KCNMA1: variants seen among roughly 807,000 people sequenced by gnomAD.
KCNMA1 encodes potassium calcium-activated channel subfamily M alpha 1.
KCNMA1 carries 29 observed loss-of-function variants against 140.0 expected under a neutral mutation model. The ratio of observed to expected loss-of-function variants is 0.21; its 90% CI spans 0.15 to 0.28. The LOEUF (loss-of-function observed/expected upper bound fraction) is 0.28, where lower values mean the gene tolerates loss of function less well. Ranked by LOEUF, KCNMA1 falls within the 10% of genes least tolerant of loss-of-function variation. The probability of loss-of-function intolerance (pLI) is 1.00; values close to 1 mark genes in which losing one functional copy is unlikely to be tolerated. For missense variants in KCNMA1, 880 were observed against 1,602.2 expected (o/e 0.55, Z 7.70); for synonymous variants, 612 against 611.9 (o/e 1.00, Z 0.00).
chr10:77,249,642 T>A (rs757041819), intron 3 of KCNMA1: 3 of 152,218 alleles, frequency 2.0e-5, no homozygotes, highest in Non-Finnish European at 4.4e-5. Context: ...AGCATGGAAG[T>A]TGGCAGGGTC....
intron 1 of KCNMA1, among the ~76,000 whole-genome samples, chr10:77,487,369 C>A (rs1487457685): frequency 6.6e-6 from 1 of 152,068 alleles, no homozygotes; most frequent in African/African-American, 2.4e-5. Context: ...GGAAAACAAG[C>A]CACACAGAAG....
chr10:77,105,522 AAT>A (rs1362973151), intron 9 of KCNMA1, among the ~76,000 whole-genome samples: 1 of 152,168 alleles, frequency 6.6e-6, no homozygotes, highest in Non-Finnish European at 1.5e-5. Flanking sequence ...ATCATTTCTG[AAT>A]AAAATATGCA....
chr10:77,473,960 A>G (rs2098223028), intron 1 of KCNMA1, among the ~76,000 whole-genome samples: 1 of 152,190 alleles, frequency 6.6e-6, no homozygotes, highest in Non-Finnish European at 1.5e-5. Flanking sequence ...CGTTCTGAAC[A>G]GGTGCGCTCC....
At chr10:77,381,165 A>G (rs2095368837) in intron 2 of KCNMA1, among the ~76,000 whole-genome samples, 1 of 152,190 alleles carries the variant, frequency 6.6e-6, no homozygotes, top group Admixed American at 6.5e-5. Flanking sequence ...GTGTTCCAGG[A>G]AATAAGTGTC....
rs141984722 is a variant in KCNMA1, at chr10:77,583,366, A to G, written c.378+53899T>C. Among the ~76,000 whole-genome samples, 1,190 of 152,356 alleles carry G rather than the reference A, an allele frequency of 7.8e-3. 7 individuals are homozygous for G. Among genetic ancestry groups the G allele is most frequent in the Middle Eastern group, 0.02 (6 of 294 alleles). ...GGCTGCTGGAATCCAGGTCCTGACA[A>G]ATAGAGACTTGATAGAGCATGGTTG... On this transcript the variant is annotated intron_variant, in intron 1 of 27. Coordinates refer to ENST00000286628, the MANE Select transcript of KCNMA1 (RefSeq NM_001161352.2).
intron 1 of KCNMA1, among the ~76,000 whole-genome samples, chr10:77,559,059 G>A (rs1418246052): frequency 6.6e-6 from 1 of 152,120 alleles, no homozygotes; most frequent in Non-Finnish European, 1.5e-5. Flanking sequence ...TCCGTGTCCT[G>A]GTCAGCCCAG....
At chr10:77,629,259 A>G (rs1393418444) in intron 1 of KCNMA1, among the ~76,000 whole-genome samples, 1 of 152,190 alleles carries the variant, frequency 6.6e-6, no homozygotes, top group African/African-American at 2.4e-5. Context: ...TAAAGCAGCC[A>G]TTCTTTTGAA....
At chr10:77,550,023 G>T (rs906588472) in intron 1 of KCNMA1, among the ~76,000 whole-genome samples, 2 of 152,194 alleles carry the variant, frequency 1.3e-5, no homozygotes, top group African/African-American at 4.8e-5. Context: ...AAGGGAGCAA[G>T]AATAAGTTGA....
intron 19 of KCNMA1, among the ~76,000 whole-genome samples, chr10:76,994,444 T>G (rs992073984): frequency 1.3e-5 from 2 of 152,186 alleles, no homozygotes; most frequent in African/African-American, 4.8e-5. Flanking sequence ...CTAATTCTAG[T>G]CGTAACATGA....
At chr10:77,231,211 G>C (rs770393078) in intron 3 of KCNMA1, among the ~76,000 whole-genome samples, 4 of 152,036 alleles carry the variant, frequency 2.6e-5, no homozygotes, top group Non-Finnish European at 5.9e-5. Flanking sequence ...TGGACATGTC[G>C]AAGATACATA....
intron 1 of KCNMA1, among the ~76,000 whole-genome samples, chr10:77,473,375 TG>T (rs1020109783): frequency 3.1e-4 from 47 of 152,286 alleles, no homozygotes; most frequent in African/African-American, 1.1e-3. Flanking sequence ...GCTGATGAAC[TG>T]GGGGCCCCAG....
rs1362997384 is a variant in KCNMA1, at chr10:77,636,135, CG to C, written c.378+1129del. 1.2e-4 allele frequency: 138 copies of C among 1,191,164 alleles called. 1 individual carries two copies. Among genetic ancestry groups the C allele is most frequent in the African/African-American group, 1.1e-3 (71 of 64,898 alleles). The allele number at this position is 1,191,164 out of a possible 1,614,324, so 73.8% of individuals were successfully genotyped here. On this transcript the variant is annotated intron_variant, in intron 1 of 27. Coordinates refer to ENST00000286628, the MANE Select transcript of KCNMA1 (RefSeq NM_001161352.2). The stretch of plus-strand genomic sequence containing the variant: ...CCCTGGATTTCCCTTCCCTCCAAAA[CG>C]GTTCGCGCGTGAAGTCCCCTAGGAT...
At chr10:77,025,438 G>A (rs769669744) in intron 16 of KCNMA1, 17 of 1,603,086 alleles carry the variant, frequency 1.1e-5, no homozygotes, top group Middle Eastern at 1.6e-4. Flanking sequence ...TTAACGAAGA[G>A]TGCATACCGC....
At chr10:77,171,386 CGTGTGTGTGTGTGCGTGTGT>C (rs1324253171) in intron 5 of KCNMA1, among the ~76,000 whole-genome samples, 13 of 137,158 alleles carry the variant, frequency 9.5e-5, no homozygotes, top group African/African-American at 2.2e-4. Flanking sequence ...AGTACGTGTG[CGTGTGTGTGTGTGCGTGTGT>C]GTGTGTGTGT....
chr10:77,347,861 C>T (rs2092394041), intron 2 of KCNMA1, among the ~76,000 whole-genome samples: 1 of 152,120 alleles, frequency 6.6e-6, no homozygotes, highest in Non-Finnish European at 1.5e-5. Flanking sequence ...TGTACTAAAA[C>T]CTTAATTAAA....
intron 18 of KCNMA1, 68 bp downstream of exon 18, chr10:77,011,899 G>A (rs2090858821): frequency 1.5e-6 from 2 of 1,339,288 alleles, no homozygotes; most frequent in Admixed American, 1.7e-5. Flanking sequence ...AATAAGAAAA[G>A]GGAAGGAAAA....
intron 3 of KCNMA1, among the ~76,000 whole-genome samples, chr10:77,223,124 G>T (rs2154192182): frequency 6.6e-6 from 1 of 152,168 alleles, no homozygotes; most frequent in South Asian, 2.1e-4. Context: ...AGCTACTCGG[G>T]AGGCTGAGGC....
At chr10:77,179,797 A>G (rs2098788291) in intron 5 of KCNMA1, among the ~76,000 whole-genome samples, 1 of 152,186 alleles carries the variant, frequency 6.6e-6, no homozygotes, top group Non-Finnish European at 1.5e-5. Context: ...GGGAAATGAC[A>G]AGTCCTGCCT....
chr10:76,964,929 C>G (rs780960064), intron 20 of KCNMA1, among the ~76,000 whole-genome samples: 3 of 152,158 alleles, frequency 2.0e-5, no homozygotes, highest in Non-Finnish European at 4.4e-5. Flanking sequence ...TGTTCAATTT[C>G]TTTTTTCTGG....
Sources: gnomAD v4.1 joint callset for allele counts (sites outside exome capture counted in the v4.1 genomes callset) on GRCh38, gnomAD v4.1.1 for gene constraint, MANE v1.5 for transcripts, NCBI Gene and HGNC (gene_info 2026-07-23, HGNC 2026-07-21) for gene names.